The following EXTL3 variants were observed in gnomAD, a reference collection of about 807,000 sequenced individuals.
EXTL3 encodes the protein exostosin-like 3.
Under a neutral mutation model 69.3 loss-of-function variants are expected in EXTL3, and 27 were observed. The ratio of observed to expected loss-of-function variants is 0.39; its 90% CI spans 0.29 to 0.54. The LOEUF (loss-of-function observed/expected upper bound fraction) is 0.54. Among genes scored for constraint, EXTL3 ranks in the 20% least tolerant of loss-of-function variants. The pLI is 0.69. For missense variants in EXTL3, 1,003 were observed against 1,231.8 expected (o/e 0.81, Z 2.78); for synonymous variants, 511 against 499.4 (o/e 1.02, Z -0.31).
intron 1 of EXTL3, chr8:28,685,805 T>G (rs1807567055): frequency 6.6e-6 from 1 of 151,868 alleles, no homozygotes; most frequent in South Asian, 2.1e-4. Context: ...TGTGTATATA[T>G]GTATATTATG....
chr8:28,664,665 T>C (rs981128873), intron 1 of EXTL3, among the ~76,000 whole-genome samples: 9 of 152,182 alleles, frequency 5.9e-5, no homozygotes, highest in African/African-American at 1.7e-4. Context: ...CCCCAGGCAT[T>C]TGAAGATATT....
intron 2 of EXTL3, among the ~76,000 whole-genome samples, chr8:28,614,690 T>C (rs1806310575): frequency 6.6e-6 from 1 of 152,244 alleles, no homozygotes; most frequent in Admixed American, 6.5e-5. Flanking sequence ...AATTTTTCTC[T>C]CTGCATTGCT....
upstream of EXTL3, chr8:28,699,333 G>C (rs942970142): frequency 1.3e-5 from 2 of 152,274 alleles, no homozygotes; most frequent in African/African-American, 4.8e-5. Context: ...GTGTGAGAAG[G>C]AAAAAAGAAA....
rs752528930 is a variant in EXTL3 at position 28,717,746 on chromosome 8, ACTGACCCCAACATGG to A, written c.1693_1707del (p.Pro565_Asp569del). 6.2e-7 allele frequency: 1 copy of A among 1,614,222 alleles called. No individual in the cohort carries two copies. On this transcript the variant is annotated inframe_deletion, in exon 3 of 7. Transcript: ENST00000220562. This position sits in a 1 kb window ranked among gnomAD's most constrained non-coding sequence, Gnocchi z 8.3. ...CCACCGTTCAGGCAAGGCGGCTGGA[ACTGACCCCAACATGG>A]CTGACAACGGGGACCTGGACCTGGG...
chr8:28,723,099 A>G (rs113279407), intron 3 of EXTL3, among the ~76,000 whole-genome samples: 5 of 152,184 alleles, frequency 3.3e-5, no homozygotes, highest in Non-Finnish European at 7.4e-5. Context: ...CTTACTCCTT[A>G]AAGTGTTGGT....
Position 28,752,335 on chromosome 8 carries a change from C to T in EXTL3, c.*1469C>T, listed in dbSNP as rs562483822. 4.6e-5 allele frequency: 7 copies of T among 152,766 alleles called. No individual in the cohort carries two copies. The highest frequency in any genetic ancestry group is 1.7e-4 in the African/African-American group (7 of 41,560). The allele number at this position is 152,766 out of a possible 1,614,324, so 9.5% of individuals were successfully genotyped here. A position where few individuals can be genotyped will look rare whatever the true frequency, so the allele number is the denominator to read the frequency against. ...TGACGTGTTTCTTGAACCCTACTTT[C>T]TGGAAGTGGAGTTGACTCTGGAAGT... On this transcript the variant is annotated 3_prime_UTR_variant, in exon 7 of 7. Coordinates refer to ENST00000220562, the MANE Select transcript of EXTL3 (RefSeq NM_001440.4).
At chr8:28,660,022 A>G (rs553709142) in intron 1 of EXTL3, among the ~76,000 whole-genome samples, 1 of 152,194 alleles carries the variant, frequency 6.6e-6, no homozygotes, top group Non-Finnish European at 1.5e-5. Flanking sequence ...AGTTGTAAGG[A>G]TATGTTTTAC....
At chr8:28,642,127 GC>G (rs1251877014) in intron 1 of EXTL3, among the ~76,000 whole-genome samples, 2 of 152,146 alleles carry the variant, frequency 1.3e-5, no homozygotes, top group Non-Finnish European at 2.9e-5. Context: ...GAGCCACCGT[GC>G]CCGGCCTTTT....
Position 28,726,477 on chromosome 8 carries a change from A to G in EXTL3, c.2149-4746A>G, listed in dbSNP as rs1015886357. 9.2e-5 allele frequency among the ~76,000 whole-genome samples: 14 copies of G among 152,194 alleles called. 1 individual carries two copies. Among genetic ancestry groups the G allele is most frequent in the Admixed American group, 9.2e-4 (14 of 15,272 alleles). ...GCTATAGGGAAAAGGGGAACATCTTAGGTAATGAACTATAGTTAGTCTTCC... is the reference window on the plus strand; with the variant it reads ...GCTATAGGGAAAAGGGGAACATCTTGGGTAATGAACTATAGTTAGTCTTCC... On this transcript the variant is annotated intron_variant, in intron 3 of 6. Transcript: ENST00000220562.
At chr8:28,619,823 AC>A (rs2130540247), upstream of EXTL3, among the ~76,000 whole-genome samples, 1 of 119,374 alleles carries the variant, frequency 8.4e-6, no homozygotes, top group Admixed American at 1.1e-4. Flanking sequence ...GTATCCGTAC[AC>A]CGCCGACAGG....
At chr8:28,633,656 T>C (rs1349382669) in intron 1 of EXTL3, among the ~76,000 whole-genome samples, 2 of 152,110 alleles carry the variant, frequency 1.3e-5, no homozygotes, top group South Asian at 4.1e-4. Flanking sequence ...AATAATATTT[T>C]ATGACATGAA....
upstream of EXTL3, chr8:28,699,757 T>A (rs1800747065): frequency 6.6e-6 from 1 of 152,284 alleles, no homozygotes. Flanking sequence ...TCCACCTGCC[T>A]GGGCCTCCCA....
chr8:28,677,767 T>C (rs553365706), intron 1 of EXTL3, among the ~76,000 whole-genome samples: 6 of 152,250 alleles, frequency 3.9e-5, no homozygotes, highest in Admixed American at 3.9e-4. Flanking sequence ...CAATAATAGC[T>C]GTGAGCAGCT....
intron 1 of EXTL3, among the ~76,000 whole-genome samples, chr8:28,663,341 G>A (rs571695782): frequency 6.6e-6 from 1 of 152,296 alleles, no homozygotes; most frequent in East Asian, 1.9e-4. Context: ...CGCAGGCAAG[G>A]GCTCAGGCAG....
At chr8:28,710,319 T>G (rs1585267590) in intron 1 of EXTL3, 2 of 344,530 alleles carry the variant, frequency 5.8e-6, no homozygotes, top group Admixed American at 3.8e-5. Flanking sequence ...CTCTGGGAGG[T>G]GAAGGCAGAA....
chr8:28,726,879 C>CTTTTTTT (rs11458194), intron 3 of EXTL3, among the ~76,000 whole-genome samples: 84 of 99,912 alleles, frequency 8.4e-4, no homozygotes, highest in African/African-American at 1.5e-3. Flanking sequence ...CTTTTCTTTT[C>CTTTTTTT]TTTTTTTTTT....
intron 1 of EXTL3, among the ~76,000 whole-genome samples, chr8:28,679,107 T>G (rs1380754059): frequency 1.3e-5 from 2 of 152,228 alleles, no homozygotes; most frequent in Admixed American, 1.3e-4. Context: ...CACTGTTCTA[T>G]GCTCCAAACC....
intron 1 of EXTL3, among the ~76,000 whole-genome samples, chr8:28,711,387 T>G (rs567982701): frequency 6.6e-6 from 1 of 152,328 alleles, no homozygotes; most frequent in African/African-American, 2.4e-5. Context: ...GGTTATTGAT[T>G]CGAGACTTTT....
chr8:28,615,418 T>A (rs9644142), intron 2 of EXTL3, among the ~76,000 whole-genome samples: 43,848 of 152,128 alleles, frequency 0.29, 6,488 homozygotes, highest in African/African-American at 0.33. Context: ...GCCTCATCTA[T>A]TTTGATGCTG....
Sources: gnomAD v4.1 joint callset for allele counts (sites outside exome capture counted in the v4.1 genomes callset) on GRCh38, gnomAD v4.1.1 for gene constraint, Gnocchi (gnomAD v3.1) non-coding constraint, MANE v1.5 for transcripts, NCBI Gene and HGNC (gene_info 2026-07-23, HGNC 2026-07-21) for gene names.